The following TMEM116 variants were observed in gnomAD, a reference collection of about 807,000 sequenced individuals.
TMEM116 encodes the protein transmembrane protein 116.
A neutral mutation model predicts 44.3 loss-of-function variants in TMEM116; 38 were observed. That is an observed-to-expected ratio of 0.86 (90% CI 0.66 to 1.12). TMEM116 has a LOEUF of 1.12. Ranked by LOEUF, TMEM116 falls within the 50% of genes most tolerant of loss-of-function variation. TMEM116 has a pLI of 0.00. For synonymous variants in TMEM116, 132 were observed against 144.8 expected, an observed-to-expected ratio of 0.91 and a Z score of 0.64; for missense variants, 354 against 401.7, an observed-to-expected ratio of 0.88 and a Z score of 1.01.
chr12:111,997,100 T>C (rs1468415476), intron 3 of TMEM116, among the ~76,000 whole-genome samples: 2 of 152,212 alleles, frequency 1.3e-5, no homozygotes, highest in Non-Finnish European at 2.9e-5. Context: ...AGAGCTGTGA[T>C]TGGGAAGAAC....
intron 4 of TMEM116, among the ~76,000 whole-genome samples, chr12:111,944,043 C>A (rs1391949569): frequency 6.6e-6 from 1 of 151,890 alleles, no homozygotes; most frequent in African/African-American, 2.4e-5. Context: ...ACAGGCTAAG[C>A]TATTTGAATC....
intron 4 of TMEM116, among the ~76,000 whole-genome samples, chr12:111,974,437 G>A (rs1463781210): frequency 1.3e-5 from 2 of 151,882 alleles, no homozygotes. Context: ...GAGGTTTGAG[G>A]TCAGGAGTTC....
At chr12:111,940,995 A>G (rs917371962) in intron 5 of TMEM116, among the ~76,000 whole-genome samples, 1 of 152,242 alleles carries the variant, frequency 6.6e-6, no homozygotes, top group African/African-American at 2.4e-5. Flanking sequence ...ATTTCTTTAC[A>G]GTATCTTTCA....
intron 5 of TMEM116, among the ~76,000 whole-genome samples, chr12:111,942,057 G>C (rs1392501211): frequency 1.3e-5 from 2 of 151,880 alleles, no homozygotes; most frequent in Admixed American, 6.6e-5. Context: ...TCCTGCCTCA[G>C]CCTCCCAAAT....
chr12:111,939,356 G>A (rs904298464), intron 5 of TMEM116, among the ~76,000 whole-genome samples: 3 of 151,362 alleles, frequency 2.0e-5, no homozygotes, highest in Admixed American at 2.0e-4. Flanking sequence ...AGGAGGCTGA[G>A]GCAAGAGAAT....
chr12:111,974,967 G>GA (rs1447639833), intron 4 of TMEM116, among the ~76,000 whole-genome samples: 2 of 152,148 alleles, frequency 1.3e-5, no homozygotes, highest in Non-Finnish European at 2.9e-5. Flanking sequence ...CTATATACTT[G>GA]AAAACTACAA....
At chr12:111,934,422 C>G (rs562425935) in intron 8 of TMEM116, 1 of 157,516 alleles carries the variant, frequency 6.3e-6, no homozygotes, top group African/African-American at 2.4e-5. Flanking sequence ...CACTTCAGCA[C>G]CATGGCTGAG....
intron 4 of TMEM116, among the ~76,000 whole-genome samples, chr12:111,948,066 A>G (rs1337979996): frequency 6.6e-6 from 1 of 152,196 alleles, no homozygotes; most frequent in African/African-American, 2.4e-5. Flanking sequence ...AAATTTTAAA[A>G]ACTGGTCGGG....
intron 4 of TMEM116, among the ~76,000 whole-genome samples, chr12:111,981,749 G>GT (rs1478783119): frequency 5.3e-5 from 8 of 152,142 alleles, no homozygotes; most frequent in African/African-American, 1.7e-4. Context: ...CCTGTATTCA[G>GT]TATTCATAAT....
intron 1 of TMEM116, among the ~76,000 whole-genome samples, chr12:112,009,001 T>C (rs1593701578): frequency 6.6e-6 from 1 of 151,586 alleles, no homozygotes; most frequent in South Asian, 2.1e-4. Flanking sequence ...AGATTTCTAG[T>C]AATAACAGTT....
At chr12:111,985,419 A>C (rs1031366585) in intron 4 of TMEM116, among the ~76,000 whole-genome samples, 3 of 152,204 alleles carry the variant, frequency 2.0e-5, no homozygotes, top group Admixed American at 2.0e-4. Context: ...AAATTATGAA[A>C]ATAATTCCAT....
chr12:111,957,139 T>C lies in TMEM116; in HGVS notation c.211-13770A>G, dbSNP rs535274871. On this transcript the variant is annotated intron_variant, in intron 4 of 10. Coordinates refer to ENST00000552374, the MANE Select transcript of TMEM116 (RefSeq NM_001193531.2). ...CTGCCCGGCCGCCCAGTCTGGGAAG[T>C]GAGGAGTGCCTCTTCCTGGCCGTCA... 2.1e-5 allele frequency among the ~76,000 whole-genome samples: 3 copies of C among 145,408 alleles called. No homozygotes were observed. In the East Asian group the frequency reaches 6.4e-4, roughly 31 times the overall value.
intron 9 of TMEM116, 102 bp from the exon 10 acceptor site, chr12:111,932,761 CA>C: frequency 1.1e-6 from 1 of 908,562 alleles, no homozygotes. Context: ...AAACAATAGG[CA>C]TAATAAAATC....
intron 3 of TMEM116, among the ~76,000 whole-genome samples, chr12:112,003,365 G>A (rs1321031352): frequency 1.3e-5 from 2 of 152,096 alleles, no homozygotes; most frequent in African/African-American, 4.8e-5. Context: ...TCAGGAGATC[G>A]AGACCATCCT....
At chr12:111,947,479 C>A (rs2073380157) in intron 4 of TMEM116, among the ~76,000 whole-genome samples, 6 of 152,142 alleles carry the variant, frequency 3.9e-5, no homozygotes, top group Admixed American at 3.9e-4. Context: ...GATGTTAGAT[C>A]TACTTTCAGT....
intron 4 of TMEM116, among the ~76,000 whole-genome samples, chr12:111,948,867 C>T (rs2073489045): frequency 6.6e-6 from 1 of 151,916 alleles, no homozygotes; most frequent in Non-Finnish European, 1.5e-5. Flanking sequence ...TCACTTGAGG[C>T]TAGGAGTTTG....
At chr12:111,956,217 G>GCA (rs2136342702) in intron 4 of TMEM116, among the ~76,000 whole-genome samples, 1 of 152,192 alleles carries the variant, frequency 6.6e-6, no homozygotes, top group East Asian at 1.9e-4. Flanking sequence ...GAATCAAACA[G>GCA]GAACTCAATA....
chr12:112,000,765 G>A, intron 3 of TMEM116: 3 of 537,114 alleles, frequency 5.6e-6, no homozygotes, highest in South Asian at 4.2e-5. Flanking sequence ...TAACACAATT[G>A]CAATTGAGTT....
chr12:112,001,917 G>A (rs947713129), intron 3 of TMEM116, among the ~76,000 whole-genome samples: 1 of 152,086 alleles, frequency 6.6e-6, no homozygotes, highest in African/African-American at 2.4e-5. Context: ...GAGAGGCTCT[G>A]GAACAAGACA....
Sources: gnomAD v4.1 joint callset for allele counts (sites outside exome capture counted in the v4.1 genomes callset) on GRCh38, gnomAD v4.1.1 for gene constraint, MANE v1.5 for transcripts, NCBI Gene and HGNC (gene_info 2026-07-23, HGNC 2026-07-21) for gene names.